PHTF1: variants seen among roughly 807,000 people sequenced by gnomAD.
PHTF1 encodes the protein putative homeodomain transcription factor 1.
In PHTF1, 88 loss-of-function variants were observed where a neutral mutation model predicts 102.4. The observed-to-expected ratio is 0.86, with a 90% CI of 0.72 to 1.03. PHTF1 has a LOEUF of 1.03. PHTF1 is among the 50% of genes least tolerant of loss of function. The pLI, the probability that PHTF1 is intolerant of heterozygous loss-of-function variation, is 0.00. For missense variants in PHTF1, 814 were observed against 909.5 expected (o/e 0.89, Z 1.35); for synonymous variants, 289 against 305.2 (o/e 0.95, Z 0.55).
At chr1:113,722,711 G>A (rs1243639186) in intron 7 of PHTF1, among the ~76,000 whole-genome samples, 2 of 150,360 alleles carry the variant, frequency 1.3e-5, no homozygotes, top group Non-Finnish European at 3.0e-5. Flanking sequence ...TCAGGAGTTT[G>A]AGACCAGCCT....
At chr1:113,716,785 C>T (rs913743041) in intron 7 of PHTF1, among the ~76,000 whole-genome samples, 4 of 152,080 alleles carry the variant, frequency 2.6e-5, no homozygotes, top group Non-Finnish European at 5.9e-5. Context: ...ATTTCATCAA[C>T]AACAGACCTG....
Position 113,706,657 on chromosome 1 carries a change from CT to C in PHTF1, c.1334del (p.Glu445GlyfsTer15). 1 of 1,610,618 alleles carries C rather than the reference CT, an allele frequency of 6.2e-7. No homozygotes were observed. The highest frequency in any genetic ancestry group is 8.5e-7 in the Non-Finnish European group (1 of 1,177,904). On this transcript the variant is annotated frameshift_variant, in exon 12 of 19. Transcript: ENST00000369604. LOFTEE classifies it high-confidence loss of function. Reference protein sequence around the residue: ...SSDRVSAIIWEGNECKKMDMS... With the variant: ...SSDRVSAIIWXGNECKKMDMS... Reference sequence around the variant, plus strand: ...TATCCATCTTTTTGCACTCATTCCCCTCCCAGATTATTGCACTAACTCGATC... The same window carrying C: ...TATCCATCTTTTTGCACTCATTCCCCCCCAGATTATTGCACTAACTCGATC...
intron 3 of PHTF1, among the ~76,000 whole-genome samples, chr1:113,747,873 C>T (rs892784392): frequency 6.6e-5 from 10 of 152,132 alleles, no homozygotes; most frequent in Non-Finnish European, 1.0e-4. Context: ...CTACATGATC[C>T]GTTTTGATCC....
Position 113,699,444 on chromosome 1 carries a change from T to C in PHTF1, c.2142+260A>G. On this transcript the variant is annotated intron_variant, in intron 17 of 18. Coordinates refer to ENST00000369604, the MANE Select transcript of PHTF1 (RefSeq NM_001323043.2). ...AAGAGGCAGATCTCCTCCAGGGACT[T>C]GATCTTCATGTCCTTGACCAGATGG... 4.9e-6 allele frequency: 3 copies of C among 610,836 alleles called. 1 individual carries two copies. Among genetic ancestry groups the C allele is most frequent in the Non-Finnish European group, 9.2e-6 (3 of 326,682 alleles). The allele number at this position is 610,836 out of a possible 1,614,324, so 37.8% of individuals were successfully genotyped here. A position where few individuals can be genotyped will look rare whatever the true frequency, so the allele number is the denominator to read the frequency against.
intron 3 of PHTF1, among the ~76,000 whole-genome samples, chr1:113,750,686 C>A (rs1219075971): frequency 6.6e-6 from 1 of 150,940 alleles, no homozygotes; most frequent in Non-Finnish European, 1.5e-5. Context: ...TGAAACCCCA[C>A]CTCTACCAAA....
At chr1:113,717,038 A>G (rs1652164386) in intron 7 of PHTF1, among the ~76,000 whole-genome samples, 1 of 152,208 alleles carries the variant, frequency 6.6e-6, no homozygotes, top group South Asian at 2.1e-4. Context: ...ATATAAATAC[A>G]AACAACAAAA....
rs1388449321 is a variant in PHTF1 at position 113,703,759 on chromosome 1, A to G, written c.1890+322T>C. 3 of 210,794 alleles carry G rather than the reference A, an allele frequency of 1.4e-5. No homozygotes were observed. The Admixed American group carries it at 1.7e-4, about 12-fold the overall frequency. The allele number at this position is 210,794 out of a possible 1,614,324, so 13.1% of individuals were successfully genotyped here. ...GAATAAATAAGAGGGAAAGAAATGA[A>G]AGATCTACCTTGGAGTGATAACTAA... On this transcript the variant is annotated intron_variant, in intron 15 of 18. Coordinates refer to ENST00000369604, the MANE Select transcript of PHTF1 (RefSeq NM_001323043.2).
chr1:113,758,923 A>G lies in PHTF1; in HGVS notation c.-31+100T>C, dbSNP rs960339124. 7 of 1,141,970 alleles carry G rather than the reference A, an allele frequency of 6.1e-6. No individual in the cohort carries two copies. The African/African-American group carries it at 1.1e-4, about 19-fold the overall frequency. 70.7% of individuals were successfully genotyped at this position (1,141,970 alleles called of 1,614,324 possible). On this transcript the variant is annotated intron_variant, in intron 1 of 18. Coordinates refer to ENST00000369604, the MANE Select transcript of PHTF1 (RefSeq NM_001323043.2). Reference sequence around the variant, plus strand: ...CGGCGACCGGAGAAGCCTCTGCAATATATCGGGCGAGCGTGTTCGTGGGTG... The same window carrying G: ...CGGCGACCGGAGAAGCCTCTGCAATGTATCGGGCGAGCGTGTTCGTGGGTG...
At chr1:113,698,618 TATACACACACACACACAC>T (rs1400535694) in intron 17 of PHTF1, among the ~76,000 whole-genome samples, 4 of 115,736 alleles carry the variant, frequency 3.5e-5, no homozygotes, top group Non-Finnish European at 7.9e-5. Context: ...TATATATATA[TATACACACACACACACAC>T]ACACACACAC....
intron 3 of PHTF1, 43 bp downstream of exon 3, chr1:113,757,656 T>C (rs529724962): frequency 2.4e-6 from 3 of 1,247,444 alleles, no homozygotes; most frequent in African/African-American, 2.9e-5. Flanking sequence ...ACTCTTCATA[T>C]TAATGCAGTG....
intron 6 of PHTF1, among the ~76,000 whole-genome samples, chr1:113,726,217 A>G (rs771472302): frequency 6.6e-6 from 1 of 152,190 alleles, no homozygotes; most frequent in Non-Finnish European, 1.5e-5. Flanking sequence ...GAATGACAAA[A>G]ATCCCAAACT....
chr1:113,706,855 T>C (rs796671945), intron 11 of PHTF1, 133 bp from the exon 12 acceptor site: 186 of 321,130 alleles, frequency 5.8e-4, no homozygotes, highest in African/African-American at 3.3e-3. Flanking sequence ...TTCTTTCTTT[T>C]TTTTTTTTTT....
intron 15 of PHTF1, among the ~76,000 whole-genome samples, chr1:113,701,837 A>AAAAAAAAAAAAAAAAAAAAAAAAT (rs1649483566): frequency 7.1e-6 from 1 of 141,258 alleles, no homozygotes; most frequent in Non-Finnish European, 1.5e-5. Flanking sequence ...AAAAAAAAAA[A>AAAAAAAAAAAAAAAAAAAAAAAAT]AAAAAAAAAA....
intron 7 of PHTF1, among the ~76,000 whole-genome samples, chr1:113,716,649 C>T (rs371310940): frequency 6.6e-6 from 1 of 152,000 alleles, no homozygotes; most frequent in Admixed American, 6.5e-5. Flanking sequence ...TATGTCCAGC[C>T]GGTCTGACAT....
chr1:113,731,100 C>T (rs1654565474), intron 5 of PHTF1, among the ~76,000 whole-genome samples: 4 of 151,950 alleles, frequency 2.6e-5, no homozygotes, highest in Admixed American at 2.6e-4. Context: ...TGGTTGTATT[C>T]CAGTATCAGT....
At chr1:113,706,879 A>T (rs1650296146) in intron 11 of PHTF1, among the ~76,000 whole-genome samples, 157 bp from the exon 12 acceptor site, 2 of 111,222 alleles carry the variant, frequency 1.8e-5, no homozygotes, top group African/African-American at 3.6e-5. Flanking sequence ...TTTTTTTGAG[A>T]CAGGGTATCA....
chr1:113,754,407 T>C (rs1658548372), intron 3 of PHTF1, among the ~76,000 whole-genome samples: 1 of 147,314 alleles, frequency 6.8e-6, no homozygotes, highest in African/African-American at 2.5e-5. Flanking sequence ...CCAGACCCTG[T>C]CTCAAAAAAA....
intron 6 of PHTF1, 109 bp downstream of exon 6, chr1:113,726,309 A>T (rs925853147): frequency 1.1e-6 from 1 of 881,988 alleles, no homozygotes; most frequent in Non-Finnish European, 1.7e-6. Flanking sequence ...AAGCCAAAAA[A>T]TAATGAAAAA....
At chr1:113,707,317 G>T (rs116712185) in intron 11 of PHTF1, among the ~76,000 whole-genome samples, 1 of 152,244 alleles carries the variant, frequency 6.6e-6, no homozygotes, top group Non-Finnish European at 1.5e-5. Context: ...AGCTCAAGTG[G>T]AGACAGTCAC....
Sources: allele counts gnomAD v4.1 joint callset (sites outside exome capture counted in the v4.1 genomes callset), GRCh38; gene constraint gnomAD v4.1.1; transcripts MANE v1.5; gene names NCBI Gene and HGNC (gene_info 2026-07-23, HGNC 2026-07-21).